Variants in PIGB observed in about 807,000 individuals in gnomAD.
PIGB encodes GPI alpha-1,2-mannosyltransferase 3.
PIGB carries 58 observed loss-of-function variants against 68.4 expected under a neutral mutation model. The observed-to-expected ratio is 0.85, with a 90% CI of 0.69 to 1.06. The LOEUF (loss-of-function observed/expected upper bound fraction) is 1.06, where lower values mean the gene tolerates loss of function less well. PIGB is among the 50% of genes least tolerant of loss of function. The pLI, the probability that PIGB is intolerant of heterozygous loss-of-function variation, is 0.00. For synonymous variants in PIGB, 219 were observed against 220.5 expected (o/e 0.99, Z 0.06); for missense variants, 634 against 655.8 (o/e 0.97, Z 0.36).
At chr15:55,321,748 G>A (rs985256431) in intron 3 of PIGB, among the ~76,000 whole-genome samples, 3 of 146,276 alleles carry the variant, frequency 2.1e-5, no homozygotes, top group African/African-American at 5.0e-5. Context: ...CACCTCCCGG[G>A]TTCAAGCGAT....
Position 55,350,832 on chromosome 15 carries a change from A to G in PIGB, c.1257A>G (p.Gln419=). 6.2e-7 allele frequency: 1 copy of G among 1,611,692 alleles called. No individual in the cohort carries two copies. The highest frequency in any genetic ancestry group is 8.5e-7 in the Non-Finnish European group (1 of 1,177,932). ...RGTLDVMSHI[Q]KVCYNNPNKS... The stretch of plus-strand genomic sequence containing the variant: ...CTCTTGATGTCATGAGTCATATTCA[A>G]AAAGTTTGTTACAACAATCCCAATA... Residue 419 remains glutamine (Q), a synonymous_variant, in exon 10 of 12, where the codon CAA becomes CAG. Coordinates refer to ENST00000164305, the MANE Select transcript of PIGB (RefSeq NM_004855.5).
intron 9 of PIGB, among the ~76,000 whole-genome samples, chr15:55,342,822 T>C (rs1490481068): frequency 6.6e-6 from 1 of 152,246 alleles, no homozygotes; most frequent in African/African-American, 2.4e-5. Context: ...CAGGAAAATC[T>C]GGGTTTTTAC....
At position 55,355,357 on chromosome 15, in the gene PIGB, G is replaced by C; in HGVS notation, c.1590G>C (p.Glu530Asp). 1 of 1,610,868 alleles carries C rather than the reference G, an allele frequency of 6.2e-7. No individual in the cohort carries two copies. Among genetic ancestry groups the C allele is most frequent in the Non-Finnish European group, 8.5e-7 (1 of 1,177,286 alleles). Reference sequence around the variant, plus strand: ...TTTTCTTCCACACTCACTTGCCAGAGGGTCGAATTGGAAGTCACATATATG... The same window carrying C: ...TTTTCTTCCACACTCACTTGCCAGACGGTCGAATTGGAAGTCACATATATG... The part of the protein sequence containing the change: ...TAVFFHTHLP[E>D]GRIGSHIYVY... The change falls in exon 12 of 12, where the codon GAG (glutamate) becomes GAC (aspartate). Residue 530 changes from glutamate (E) to aspartate (D), a missense_variant. Physicochemically the swap from Glu to Asp is conservative, Grantham distance 45. Transcript: ENST00000164305.
At chr15:55,329,323 G>A (rs1219688257) in intron 4 of PIGB, among the ~76,000 whole-genome samples, 1 of 151,388 alleles carries the variant, frequency 6.6e-6, no homozygotes, top group Non-Finnish European at 1.5e-5. Context: ...CAAAAAAACA[G>A]TCATAATACT....
At chr15:55,342,484 T>C (rs1007561920) in intron 9 of PIGB, among the ~76,000 whole-genome samples, 5 of 152,096 alleles carry the variant, frequency 3.3e-5, no homozygotes, top group Non-Finnish European at 7.4e-5. Context: ...TCCACCTCCC[T>C]GTGTTCAAGC....
At chr15:55,344,617 A>G (rs932720785) in intron 9 of PIGB, among the ~76,000 whole-genome samples, 4 of 152,220 alleles carry the variant, frequency 2.6e-5, no homozygotes, top group Admixed American at 1.3e-4. Flanking sequence ...CCTTAGTCCT[A>G]TAAAATAGGA....
chr15:55,337,599 A>G (rs2055566551), intron 6 of PIGB, among the ~76,000 whole-genome samples: 1 of 152,124 alleles, frequency 6.6e-6, no homozygotes, highest in Admixed American at 6.6e-5. Context: ...TTTGTGGGAA[A>G]ACTGTCTTTC....
intron 10 of PIGB, among the ~76,000 whole-genome samples, chr15:55,354,362 G>A (rs1006435770): frequency 1.3e-5 from 2 of 151,742 alleles, no homozygotes; most frequent in African/African-American, 2.4e-5. Flanking sequence ...TATCAGAGCA[G>A]AAAGGGAAGA....
intron 3 of PIGB, among the ~76,000 whole-genome samples, chr15:55,322,042 C>T (rs1347507767): frequency 3.3e-5 from 5 of 151,716 alleles, no homozygotes; most frequent in Admixed American, 1.3e-4. Context: ...GGTGTGGTCG[C>T]GCATGCCTGT....
chr15:55,351,489 A>G (rs2055920865), intron 10 of PIGB: 1 of 152,376 alleles, frequency 6.6e-6, no homozygotes, highest in Non-Finnish European at 1.5e-5. Context: ...TAGGTATCTG[A>G]TAGTCTTCTT....
intron 1 of PIGB, 75 bp downstream of exon 1, chr15:55,319,488 G>A (rs2055112361): frequency 8.7e-7 from 1 of 1,154,550 alleles, no homozygotes; most frequent in Non-Finnish European, 1.2e-6. Context: ...TTACCAGCCA[G>A]TTGCCCGTTG....
chr15:55,334,415 G>A (rs1215676245), intron 6 of PIGB, among the ~76,000 whole-genome samples: 4 of 152,060 alleles, frequency 2.6e-5, no homozygotes, highest in South Asian at 2.1e-4. Context: ...CAGGAGGCTC[G>A]CAGAAATTTA....
rs1289212581 is a variant in PIGB at position 55,354,604 on chromosome 15, A to G, written c.1338-194A>G. 47 of 529,734 alleles carry G rather than the reference A, an allele frequency of 8.9e-5. No homozygotes were observed. The Admixed American group carries it at 1.8e-3, about 20-fold the overall frequency. 32.8% of individuals were successfully genotyped at this position (529,734 alleles called of 1,614,324 possible). A position where few individuals can be genotyped will look rare whatever the true frequency, so the allele number is the denominator to read the frequency against. On this transcript the variant is annotated intron_variant, in intron 10 of 11. Coordinates refer to ENST00000164305, the MANE Select transcript of PIGB (RefSeq NM_004855.5). ...TTATAGGTTATACTGCTGCTGCTGC[A>G]TAGGTACATGGTATAAGAATCATGT...
At chr15:55,338,773 A>C (rs531225500) in intron 6 of PIGB, among the ~76,000 whole-genome samples, 65 of 152,362 alleles carry the variant, frequency 4.3e-4, no homozygotes, top group Non-Finnish European at 7.2e-4. Flanking sequence ...AGCTTTAAGG[A>C]AACGGCCATA....
intron 9 of PIGB, among the ~76,000 whole-genome samples, chr15:55,344,513 A>G (rs988710369): frequency 1.3e-5 from 2 of 152,258 alleles, no homozygotes; most frequent in Non-Finnish European, 2.9e-5. Context: ...GGGGAAATAA[A>G]TGCCAACCTC....
intron 9 of PIGB, among the ~76,000 whole-genome samples, chr15:55,347,976 ATAGT>A (rs2055834309): frequency 6.9e-6 from 1 of 144,548 alleles, no homozygotes; most frequent in Non-Finnish European, 1.5e-5. Flanking sequence ...TCCTAGTGCC[ATAGT>A]TTCTTTTTTT....
chr15:55,334,324 A>G (rs190053720), intron 6 of PIGB, among the ~76,000 whole-genome samples: 2 of 152,320 alleles, frequency 1.3e-5, no homozygotes, highest in African/African-American at 4.8e-5. Context: ...ATAATTCATA[A>G]TGTGTTTTCA....
chr15:55,340,657 A>C lies in PIGB; in HGVS notation c.892A>C (p.Asn298His). 6.2e-7 allele frequency: 1 copy of C among 1,613,022 alleles called. No individual in the cohort carries two copies. The highest frequency in any genetic ancestry group is 8.5e-7 in the Non-Finnish European group (1 of 1,179,520). ...TTTTTTGAAATTTAACGTGCTGCAG[A>C]ACTGGGGAACATTTTATGGTTCTCA... Reference protein sequence around the residue: ...FNFLKFNVLQNWGTFYGSHPW... With the variant: ...FNFLKFNVLQHWGTFYGSHPW... The change falls in exon 8 of 12, where the codon AAC (asparagine) becomes CAC (histidine). Residue 298 changes from asparagine to histidine, a missense_variant. Coordinates refer to ENST00000164305, the MANE Select transcript of PIGB (RefSeq NM_004855.5).
intron 6 of PIGB, among the ~76,000 whole-genome samples, chr15:55,338,499 T>C (rs147079475): frequency 6.6e-6 from 1 of 151,898 alleles, no homozygotes; most frequent in Non-Finnish European, 1.5e-5. Flanking sequence ...CCAAAAATTA[T>C]CCAGTCATGG....
Sources: gnomAD v4.1 joint callset for allele counts (sites outside exome capture counted in the v4.1 genomes callset) on GRCh38, gnomAD v4.1.1 for gene constraint, MANE v1.5 for transcripts, NCBI Gene and HGNC (gene_info 2026-07-23, HGNC 2026-07-21) for gene names.